The following RBFOX1 variants were observed in gnomAD, a reference collection of about 807,000 sequenced individuals.
The protein encoded by RBFOX1 is RNA binding protein fox-1 homolog 1.
RBFOX1 carries 8 observed loss-of-function variants against 57.7 expected under a neutral mutation model. That is an observed-to-expected ratio of 0.14 (90% CI 0.08 to 0.25). The LOEUF (loss-of-function observed/expected upper bound fraction) is 0.25, where lower values mean the gene tolerates loss of function less well. Ranked by LOEUF, RBFOX1 falls within the 10% of genes least tolerant of loss-of-function variation. The pLI is 1.00. For synonymous variants in RBFOX1, 326 were observed against 222.4 expected, an observed-to-expected ratio of 1.47 and a Z score of -4.15; for missense variants, 611 against 548.5, an observed-to-expected ratio of 1.11 and a Z score of -1.14.
intron 4 of RBFOX1, among the ~76,000 whole-genome samples, chr16:7,117,730 A>G (rs1202624412): frequency 1.3e-5 from 2 of 152,224 alleles, no homozygotes; most frequent in East Asian, 1.9e-4. Context: ...AAATTTGAGC[A>G]TGGCTTAGCT....
chr16:7,375,163 A>G (rs970420819), intron 4 of RBFOX1, among the ~76,000 whole-genome samples: 1 of 152,252 alleles, frequency 6.6e-6, no homozygotes, highest in Non-Finnish European at 1.5e-5. Flanking sequence ...GTAGATTAAT[A>G]TCATTATCCC....
At chr16:7,464,412 C>T (rs1043150841) in intron 4 of RBFOX1, among the ~76,000 whole-genome samples, 7 of 151,958 alleles carry the variant, frequency 4.6e-5, no homozygotes, top group East Asian at 1.9e-4. Context: ...AACAAGACAT[C>T]GGCCACTGGA....
rs1049365406 is a variant in RBFOX1, at chr16:6,019,878, C to G, written c.-241C>G. On this transcript the variant is annotated 5_prime_UTR_variant, in exon 1 of 16. Transcript: ENST00000550418. This position sits in a 1 kb window ranked among gnomAD's most constrained non-coding sequence, Gnocchi z 4.2. ...GGACAGTGCGTGAGAAACCAGCACC[C>G]CCTTCCGCCGCCTCCAGCTTATGGT... The G allele has an allele frequency of 7.2e-6, 11 of 1,534,772 alleles. No individual in the cohort carries two copies. The highest frequency in any genetic ancestry group is 4.1e-5 in the African/African-American group (3 of 73,018).
chr16:5,996,783 T>A (rs930951169), intron 4 of RBFOX1, among the ~76,000 whole-genome samples: 1 of 152,138 alleles, frequency 6.6e-6, no homozygotes, highest in African/African-American at 2.4e-5. Flanking sequence ...TATTCCAATG[T>A]CACCCTCTTT....
rs1199428516 is a variant in RBFOX1 at position 7,001,828 on chromosome 16, A to C, written c.-15-50229A>C. ...TTTGGGAGATTTTGTGAACATCTTTATTATTATTACTTTAACTCTGTTCAG... is the reference window on the plus strand; with the variant it reads ...TTTGGGAGATTTTGTGAACATCTTTCTTATTATTACTTTAACTCTGTTCAG... On this transcript the variant is annotated intron_variant, in intron 3 of 15. Transcript: ENST00000550418. Among the ~76,000 whole-genome samples the C allele has an allele frequency of 2.0e-5, 3 of 152,082 alleles. No homozygotes were observed. In the East Asian group the frequency reaches 5.8e-4, roughly 29 times the overall value.
rs1023055250 is a variant in RBFOX1, at chr16:7,563,592, A to G, written c.271-16185A>G. Among the ~76,000 whole-genome samples, 4 of 152,130 alleles carry G rather than the reference A, an allele frequency of 2.6e-5. No homozygotes were observed. In the East Asian group the frequency reaches 7.8e-4, roughly 30 times the overall value. ...AGGCAATTCTCCTGCCTCAGCCTCC[A>G]TAGCAGCTGGGACTACAGGCACACA... On this transcript the variant is annotated intron_variant, in intron 5 of 15. Transcript: ENST00000550418.
chr16:6,865,713 G>A (rs1454642482), intron 3 of RBFOX1, among the ~76,000 whole-genome samples: 1 of 151,888 alleles, frequency 6.6e-6, no homozygotes, highest in African/African-American at 2.4e-5. Flanking sequence ...TTCTCATTTT[G>A]CCTCTCATTT....
At chr16:6,954,320 T>C (rs998128366) in intron 3 of RBFOX1, among the ~76,000 whole-genome samples, 2 of 152,136 alleles carry the variant, frequency 1.3e-5, no homozygotes, top group African/African-American at 2.4e-5. Context: ...TTATGGCGTT[T>C]TAAGGTCTGA....
At chr16:6,109,119 C>A (rs2096415424) in intron 1 of RBFOX1, among the ~76,000 whole-genome samples, 2 of 152,160 alleles carry the variant, frequency 1.3e-5, no homozygotes, top group African/African-American at 4.8e-5. Flanking sequence ...TTTTATCATG[C>A]CATGTACATA....
chr16:6,528,447 C>T (rs941007515), intron 2 of RBFOX1, among the ~76,000 whole-genome samples: 1 of 152,166 alleles, frequency 6.6e-6, no homozygotes, highest in African/African-American at 2.4e-5. Flanking sequence ...TTGACTTTCT[C>T]CTGTTTGTTT....
intron 1 of RBFOX1, among the ~76,000 whole-genome samples, chr16:6,055,331 A>T (rs943889850): frequency 6.6e-6 from 1 of 152,044 alleles, no homozygotes; most frequent in Non-Finnish European, 1.5e-5. Flanking sequence ...GGTGGCTCAC[A>T]CTTATAATCC....
intron 1 of RBFOX1, among the ~76,000 whole-genome samples, chr16:6,079,431 C>T (rs2095964286): frequency 6.6e-6 from 1 of 152,212 alleles, no homozygotes; most frequent in Non-Finnish European, 1.5e-5. Flanking sequence ...CCTACTTCAG[C>T]CTCCTGAGTA....
At chr16:6,788,730 C>G (rs922126810) in intron 3 of RBFOX1, among the ~76,000 whole-genome samples, 1 of 148,628 alleles carries the variant, frequency 6.7e-6, no homozygotes, top group Admixed American at 6.6e-5. Flanking sequence ...CCGCCTCGGC[C>G]TCCCAGAGTG....
chr16:6,857,896 C>T (rs1451990782), intron 3 of RBFOX1, among the ~76,000 whole-genome samples: 1 of 152,144 alleles, frequency 6.6e-6, no homozygotes, highest in Non-Finnish European at 1.5e-5. Context: ...AGCTAATGAG[C>T]CTATCCCACA....
intron 3 of RBFOX1, chr16:6,773,801 G>A (rs764203520): frequency 2.5e-5 from 5 of 196,772 alleles, no homozygotes; most frequent in Middle Eastern, 2.5e-3. Context: ...TGTATGTGTG[G>A]GAGTTTGGTG....
intron 1 of RBFOX1, among the ~76,000 whole-genome samples, chr16:5,363,646 A>G (rs566674525): frequency 6.6e-6 from 1 of 152,270 alleles, no homozygotes; most frequent in African/African-American, 2.4e-5. Context: ...TGTACTAATG[A>G]ATCATGACCC....
chr16:6,674,821 T>C (rs2057338107), intron 3 of RBFOX1, among the ~76,000 whole-genome samples: 1 of 152,118 alleles, frequency 6.6e-6, no homozygotes, highest in Non-Finnish European at 1.5e-5. Context: ...AAGACCCTAT[T>C]AGGACTTTGA....
intron 2 of RBFOX1, among the ~76,000 whole-genome samples, chr16:5,512,731 G>C (rs1011360762): frequency 6.6e-6 from 1 of 152,156 alleles, no homozygotes; most frequent in Non-Finnish European, 1.5e-5. Context: ...TTATACTCTT[G>C]TGACACGTTC....
chr16:5,517,121 G>C (rs1179382001), intron 2 of RBFOX1, among the ~76,000 whole-genome samples: 1 of 152,086 alleles, frequency 6.6e-6, no homozygotes, highest in East Asian at 1.9e-4. Context: ...GAAGCAAGTG[G>C]ATGGTCAGAA....
Sources: gnomAD v4.1 joint callset for allele counts (sites outside exome capture counted in the v4.1 genomes callset) on GRCh38, gnomAD v4.1.1 for gene constraint, Gnocchi (gnomAD v3.1) non-coding constraint, MANE v1.5 for transcripts, NCBI Gene and HGNC (gene_info 2026-07-23, HGNC 2026-07-21) for gene names.